Variants in MMP25 observed in about 807,000 individuals in gnomAD.
The protein encoded by MMP25 is matrix metalloproteinase-25.
A neutral mutation model predicts 62.1 loss-of-function variants in MMP25; 68 were observed. The ratio of observed to expected loss-of-function variants is 1.10; its 90% CI spans 0.90 to 1.34. The LOEUF (loss-of-function observed/expected upper bound fraction) is 1.34. MMP25 is among the 40% of genes most tolerant of loss of function. The pLI is 0.00. For missense variants in MMP25, 942 were observed against 792.5 expected, an observed-to-expected ratio of 1.19 and a Z score of -2.26; for synonymous variants, 407 against 345.6, an observed-to-expected ratio of 1.18 and a Z score of -1.97.
chr16:3,050,369 T>G lies in MMP25; in HGVS notation c.484T>G (p.Ser162Ala). 1.9e-6 allele frequency: 3 copies of G among 1,613,822 alleles called. No homozygotes were observed. Among genetic ancestry groups the G allele is most frequent in the East Asian group, 2.2e-5 (1 of 44,850 alleles). ...AGGCCTCACATTTCATGAGGTGGATTCCCCCCAGGGCCAGGAGCCCGACAT... is the reference window on the plus strand; with the variant it reads ...AGGCCTCACATTTCATGAGGTGGATGCCCCCCAGGGCCAGGAGCCCGACAT... ...ESGLTFHEVD[S>A]PQGQEPDILI... Residue 162 changes from serine to alanine, a missense_variant, in exon 4 of 10, where the codon TCC (serine) becomes GCC (alanine). By Grantham distance (99) the Ser-to-Ala change is moderately conservative. Transcript: ENST00000336577.
rs1198387909 is a variant in MMP25 at position 3,046,878 on chromosome 16, C to G, written c.-40C>G. On this transcript the variant is annotated 5_prime_UTR_variant, in exon 1 of 10. Transcript: ENST00000336577. ...GTCCCCGGGGCGGCCCCAGCCAGGC[C>G]CCCTTCGAACCCCGCCGGCGGCCCG... 3 of 1,254,426 alleles carry G rather than the reference C, an allele frequency of 2.4e-6. No homozygotes were observed. The African/African-American group carries it at 4.8e-5, about 20-fold the overall frequency. 77.7% of individuals were successfully genotyped at this position (1,254,426 alleles called of 1,614,324 possible).
In MMP25 at chr16:3,060,634, T is replaced by A. The variant is rs1956095596; in HGVS notation, c.*1536T>A. 1 of 152,254 alleles carries A rather than the reference T, an allele frequency of 6.6e-6. No individual in the cohort carries two copies. Among genetic ancestry groups the A allele is most frequent in the African/African-American group, 2.4e-5 (1 of 41,466 alleles). The allele number at this position is 152,254 out of a possible 1,614,324, so 9.4% of individuals were successfully genotyped here. On this transcript the variant is annotated 3_prime_UTR_variant, in exon 10 of 10. Transcript: ENST00000336577. The stretch of plus-strand genomic sequence containing the variant: ...GCTGCCAGGAAACGATTTGGGCCTC[T>A]GTCAGTTTCTTTTCCATGTATGAGG...
In MMP25 at chr16:3,059,524, C is replaced by G. The variant is rs1002431499; in HGVS notation, c.*426C>G. On this transcript the variant is annotated 3_prime_UTR_variant, in exon 10 of 10. Coordinates refer to ENST00000336577, the MANE Select transcript of MMP25 (RefSeq NM_022468.5). ...CGGTCGCGCGCTGGCCCCGCAGGACCTTCCTTTTCCAGGAAGAGCCAGCTT... is the reference window on the plus strand; with the variant it reads ...CGGTCGCGCGCTGGCCCCGCAGGACGTTCCTTTTCCAGGAAGAGCCAGCTT... 5 of 163,162 alleles carry G rather than the reference C, an allele frequency of 3.1e-5. No individual in the cohort carries two copies. Among genetic ancestry groups the G allele is most frequent in the African/African-American group, 1.2e-4 (5 of 41,882 alleles). 10.1% of individuals were successfully genotyped at this position (163,162 alleles called of 1,614,324 possible). A position where few individuals can be genotyped will look rare whatever the true frequency, so the allele number is the denominator to read the frequency against.
Position 3,060,183 on chromosome 16 carries a change from C to G in MMP25, c.*1085C>G, listed in dbSNP as rs1181918499. ...ACAGTTTTAGGATCTAAATGATTGCCTCTGGAACTATTCTTCTAGACTATC... is the reference window on the plus strand; with the variant it reads ...ACAGTTTTAGGATCTAAATGATTGCGTCTGGAACTATTCTTCTAGACTATC... On this transcript the variant is annotated 3_prime_UTR_variant, in exon 10 of 10. Transcript: ENST00000336577. 6.6e-6 allele frequency: 1 copy of G among 152,196 alleles called. No homozygotes were observed. The highest frequency in any genetic ancestry group is 1.9e-4 in the East Asian group (1 of 5,190). The allele number at this position is 152,196 out of a possible 1,614,324, so 9.4% of individuals were successfully genotyped here. A position where few individuals can be genotyped will look rare whatever the true frequency, so the allele number is the denominator to read the frequency against.
intron 2 of MMP25, among the ~76,000 whole-genome samples, chr16:3,048,643 C>T (rs556360523): frequency 8.9e-4 from 135 of 152,142 alleles, no homozygotes; most frequent in African/African-American, 2.4e-3. Context: ...CCCCACGGCA[C>T]GCAGAAGCTT....
chr16:3,056,789 A>T (rs1045955068), intron 4 of MMP25: 1 of 456,858 alleles, frequency 2.2e-6, no homozygotes, highest in Non-Finnish European at 3.9e-6. Context: ...AAGGTGGCCT[A>T]TTCCTCTGTG....
At position 3,059,111 on chromosome 16, in the gene MMP25, T is replaced by A. The variant is rs1433880236; in HGVS notation, c.*13T>A. 12 of 1,527,946 alleles carry A rather than the reference T, an allele frequency of 7.9e-6. No individual in the cohort carries two copies. The South Asian group carries it at 1.3e-4, about 17-fold the overall frequency. The allele number at this position is 1,527,946 out of a possible 1,614,324, so 94.6% of individuals were successfully genotyped here. On this transcript the variant is annotated 3_prime_UTR_variant, in exon 10 of 10. Transcript: ENST00000336577. ...AGCCTCCCGCTGATGGGGGGAGCCA[T>A]CCAGACCGAACAGCGCCCTCCACGG...
chr16:3,047,166 G>A, intron 1 of MMP25, 150 bp downstream of exon 1: 1 of 1,101,376 alleles, frequency 9.1e-7, no homozygotes, highest in South Asian at 1.8e-5. Context: ...GGCTTCTTGG[G>A]TCTGTCGGGA....
intron 2 of MMP25, among the ~76,000 whole-genome samples, chr16:3,049,685 G>A (rs1955871121): frequency 1.3e-5 from 2 of 152,176 alleles, no homozygotes; most frequent in Non-Finnish European, 2.9e-5. Context: ...GCATACCCAG[G>A]GCTCCTTTCT....
chr16:3,047,164 G>C (rs1040524439), intron 1 of MMP25, 148 bp downstream of exon 1: 14 of 1,093,572 alleles, frequency 1.3e-5, no homozygotes, highest in Admixed American at 3.3e-5. Flanking sequence ...CCGGCTTCTT[G>C]GGTCTGTCGG....
rs766137694 is a variant in MMP25 at position 3,057,230 on chromosome 16, C to T, written c.838+21C>T. 30 of 1,613,456 alleles carry T rather than the reference C, an allele frequency of 1.9e-5. 1 individual carries two copies. In the South Asian group the frequency reaches 1.9e-4, roughly 10 times the overall value. On this transcript the variant is annotated intron_variant, in intron 5 of 9. Coordinates refer to ENST00000336577, the MANE Select transcript of MMP25 (RefSeq NM_022468.5). ...CTATGGTAGGGGGAGAGGGACCTGC[C>T]GCGAAACCATCATTGCCCCATCCAG... is the stretch of plus-strand genomic sequence containing the variant.
Position 3,058,587 on chromosome 16 carries a change from C to T in MMP25, c.1335C>T (p.Arg445=). Residue 445 remains arginine, a synonymous_variant, in exon 9 of 10, where the codon CGC becomes CGT. Transcript: ENST00000336577. The part of the protein sequence containing the change: ...QYWRYDEAAA[R]PDPGYPRDLS... ...GGCGCTACGACGAGGCGGCGGCGCG[C>T]CCGGACCCCGGCTACCCTCGCGACC... is the stretch of plus-strand genomic sequence containing the variant. The T allele has an allele frequency of 2.5e-6, 4 of 1,607,256 alleles. No homozygotes were observed. The highest frequency in any genetic ancestry group is 3.4e-6 in the Non-Finnish European group (4 of 1,177,834).
chr16:3,057,495 A>C, intron 6 of MMP25, 36 bp from the exon 7 acceptor site: 2 of 1,601,678 alleles, frequency 1.2e-6, no homozygotes, highest in Non-Finnish European at 1.7e-6. Flanking sequence ...GAGAAAACAA[A>C]CCCCCCTCTC....
At position 3,047,453 on chromosome 16, in the gene MMP25, C is replaced by T. The variant is rs367986982; in HGVS notation, c.138C>T (p.His46=). The T allele has an allele frequency of 3.1e-6, 5 of 1,613,906 alleles. No homozygotes were observed. The South Asian group carries it at 5.5e-5, about 18-fold the overall frequency. The change falls in exon 2 of 10, where the codon CAC becomes CAT. Residue 46 remains histidine, a synonymous_variant. Transcript: ENST00000336577. ...GCTATGGTTACCTGCCGCCACCCCA[C>T]CCTGCCCAGGCCCAGCTGCAGAGCC... ...LTRYGYLPPP[H]PAQAQLQSPE...
chr16:3,048,319 A>G (rs1365831090), intron 2 of MMP25, among the ~76,000 whole-genome samples: 1 of 152,156 alleles, frequency 6.6e-6, no homozygotes, highest in Non-Finnish European at 1.5e-5. Context: ...AACCAAATAT[A>G]CTTTGAGCAT....
rs561839671 is a variant in MMP25 at position 3,055,697 on chromosome 16, C to A, written c.662-1336C>A. On this transcript the variant is annotated intron_variant, in intron 4 of 9. Coordinates refer to ENST00000336577, the MANE Select transcript of MMP25 (RefSeq NM_022468.5). Reference sequence around the variant, plus strand: ...GAGAGAAATTTGCTTTTCAGTTCACCAGGTCGTTACCTATGAACCTGCCCT... The same window carrying A: ...GAGAGAAATTTGCTTTTCAGTTCACAAGGTCGTTACCTATGAACCTGCCCT... The A allele has an allele frequency of 1.3e-4, 45 of 350,878 alleles. No homozygotes were observed. In the East Asian group the frequency reaches 3.5e-3, roughly 27 times the overall value. The allele number at this position is 350,878 out of a possible 1,614,324, so 21.7% of individuals were successfully genotyped here.
chr16:3,057,628 T>C lies in MMP25; in HGVS notation c.1006+15T>C, dbSNP rs749404802. The C allele has an allele frequency of 5.0e-6, 8 of 1,613,266 alleles. No individual in the cohort carries two copies. The highest frequency in any genetic ancestry group is 6.8e-6 in the Non-Finnish European group (8 of 1,179,152). ...CTTCTTCAAAGGTGAGTCATTTCAC[T>C]TGGCCTCATATATGTTGGTTTCCTG... On this transcript the variant is annotated intron_variant, in intron 7 of 9. Transcript: ENST00000336577.
intron 4 of MMP25, among the ~76,000 whole-genome samples, chr16:3,055,357 C>T (rs1380364903): frequency 1.3e-5 from 2 of 152,120 alleles, no homozygotes; most frequent in African/African-American, 4.8e-5. Flanking sequence ...TGAAAGATAT[C>T]GCCCTGATTG....
chr16:3,054,623 TGAATGGACAGATGCATGCACAGAGGCAG>T (rs1955969770), intron 4 of MMP25: 1 of 144,822 alleles, frequency 6.9e-6, no homozygotes, highest in Non-Finnish European at 1.5e-5. Context: ...GAGGCAGGGA[TGAATGGACAGATGCATGCACAGAGGCAG>T]GGATGGATGT....
Sources: gnomAD v4.1 joint callset for allele counts (sites outside exome capture counted in the v4.1 genomes callset) on GRCh38, gnomAD v4.1.1 for gene constraint, MANE v1.5 for transcripts, NCBI Gene and HGNC (gene_info 2026-07-23, HGNC 2026-07-21) for gene names.